Variants in CENPW observed in about 807,000 individuals in gnomAD.
The protein encoded by CENPW is cancer-up-regulated gene 2 protein.
CENPW carries 3 observed loss-of-function variants against 11.1 expected under a neutral mutation model. The observed-to-expected ratio is 0.27, with a 90% CI of 0.12 to 0.70. CENPW has a LOEUF of 0.70. Among genes scored for constraint, CENPW ranks in the 30% least tolerant of loss-of-function variants. The pLI, the probability that CENPW is intolerant of heterozygous loss-of-function variation, is 0.77. For synonymous variants in CENPW, 38 were observed against 42.0 expected (o/e 0.91, Z 0.37); for missense variants, 100 against 105.6 (o/e 0.95, Z 0.23).
At chr6:126,360,967 T>C in the CENPW span, among the ~76,000 whole-genome samples, 1 of 152,172 alleles carries the variant, frequency 6.6e-6, no homozygotes, top group African/African-American at 2.4e-5. Context: ...AGTGGGCTTA[T>C]TTGGAGGTTA....
rs1780274113 is a variant in CENPW at position 126,340,245 on chromosome 6, G to A, written c.-29G>A. 6.2e-7 allele frequency: 1 copy of A among 1,611,302 alleles called. No individual in the cohort carries two copies. Among genetic ancestry groups the A allele is most frequent in the African/African-American group, 1.3e-5 (1 of 74,806 alleles). ...GTGCGATACAGAGAGCACCTCGGAA[G>A]CTGAGGCAGCTGGTACTTGACAGAG... On this transcript the variant is annotated 5_prime_UTR_variant, in exon 1 of 3. Transcript: ENST00000368328.
intron 1 of CENPW, among the ~76,000 whole-genome samples, chr6:126,344,895 T>C (rs1780379882): frequency 1.3e-5 from 2 of 152,174 alleles, no homozygotes; most frequent in Non-Finnish European, 2.9e-5. Flanking sequence ...TTAAGTATTG[T>C]GTATAAATTG....
chr6:126,449,967 C>CAA, the CENPW span, among the ~76,000 whole-genome samples: 2 of 150,918 alleles, frequency 1.3e-5, no homozygotes, highest in Admixed American at 6.6e-5. Flanking sequence ...TTCCCAAGCA[C>CAA]ATTGTATTTG....
the CENPW span, among the ~76,000 whole-genome samples, chr6:126,427,834 C>G: frequency 1.3e-5 from 2 of 152,204 alleles, no homozygotes; most frequent in Non-Finnish European, 2.9e-5. Context: ...GCAGAACTGA[C>G]TGTACACGTG....
chr6:126,404,628 C>T, the CENPW span, among the ~76,000 whole-genome samples: 1 of 152,060 alleles, frequency 6.6e-6, no homozygotes, highest in Non-Finnish European at 1.5e-5. Flanking sequence ...TTTCCACCAA[C>T]AGTGTATGAG....
the CENPW span, among the ~76,000 whole-genome samples, chr6:126,467,825 A>G: frequency 6.6e-6 from 1 of 152,300 alleles, no homozygotes; most frequent in South Asian, 2.1e-4. Flanking sequence ...GAAGTCTGAC[A>G]AACATTAGCT....
chr6:126,483,014 G>A, the CENPW span, among the ~76,000 whole-genome samples: 1 of 151,856 alleles, frequency 6.6e-6, no homozygotes, highest in Non-Finnish European at 1.5e-5. Flanking sequence ...TCTCACCAAT[G>A]TTTTATGGTC....
At chr6:126,390,245 G>T in the CENPW span, among the ~76,000 whole-genome samples, 1 of 151,738 alleles carries the variant, frequency 6.6e-6, no homozygotes, top group Admixed American at 6.6e-5. Context: ...TTGCTAACTG[G>T]TCTCCCCATA....
the CENPW span, among the ~76,000 whole-genome samples, chr6:126,435,356 A>G: frequency 1.4e-4 from 22 of 151,840 alleles, no homozygotes; most frequent in African/African-American, 5.3e-4. Context: ...ATAAATCTGT[A>G]CATTTATGGT....
At chr6:126,479,733 C>A in the CENPW span, among the ~76,000 whole-genome samples, 6 of 151,886 alleles carry the variant, frequency 4.0e-5, no homozygotes, top group East Asian at 1.2e-3. Context: ...TAATATATAA[C>A]CTTCCACTTG....
chr6:126,381,529 G>T, the CENPW span, among the ~76,000 whole-genome samples: 5 of 152,040 alleles, frequency 3.3e-5, no homozygotes, highest in Non-Finnish European at 7.4e-5. Flanking sequence ...CAAGCCCCAG[G>T]GAAATGCTTT....
chr6:126,415,502 A>G, the CENPW span, among the ~76,000 whole-genome samples: 14 of 152,196 alleles, frequency 9.2e-5, no homozygotes, highest in Non-Finnish European at 1.8e-4. Context: ...AAGTTAAATC[A>G]CAGGTCCACA....
the CENPW span, among the ~76,000 whole-genome samples, chr6:126,362,788 G>T: frequency 6.6e-6 from 1 of 151,750 alleles, no homozygotes; most frequent in Non-Finnish European, 1.5e-5. Context: ...ATGATTTCCT[G>T]TAATTTCTTT....
chr6:126,343,958 G>A (rs1247365177), intron 1 of CENPW, among the ~76,000 whole-genome samples: 1 of 152,170 alleles, frequency 6.6e-6, no homozygotes, highest in African/African-American at 2.4e-5. Flanking sequence ...GCCACGAAGA[G>A]GAAAGGGTAT....
intron 1 of CENPW, among the ~76,000 whole-genome samples, chr6:126,345,544 A>G (rs951875783): frequency 1.3e-5 from 2 of 152,100 alleles, no homozygotes; most frequent in African/African-American, 2.4e-5. Context: ...GATATCTTAC[A>G]TAACTATATT....
the CENPW span, among the ~76,000 whole-genome samples, chr6:126,429,852 T>C: frequency 6.6e-6 from 1 of 152,210 alleles, no homozygotes; most frequent in Admixed American, 6.5e-5. Context: ...CAAAAAGTCC[T>C]GAAATGCCCC....
chr6:126,417,931 C>T, the CENPW span, among the ~76,000 whole-genome samples: 1 of 152,044 alleles, frequency 6.6e-6, no homozygotes, highest in Non-Finnish European at 1.5e-5. Flanking sequence ...ATAAGTAACT[C>T]AAATAATAAA....
the CENPW span, among the ~76,000 whole-genome samples, chr6:126,448,862 G>A: frequency 2.6e-5 from 4 of 150,976 alleles, no homozygotes; most frequent in East Asian, 3.9e-4. Context: ...CCCAAAAGTC[G>A]GTTAAGAACC....
chr6:126,403,132 C>G, the CENPW span, among the ~76,000 whole-genome samples: 1 of 152,052 alleles, frequency 6.6e-6, no homozygotes, highest in Non-Finnish European at 1.5e-5. Flanking sequence ...GTTTTGACTG[C>G]TACATCAATC....
Sources: gnomAD v4.1 joint callset for allele counts (sites outside exome capture counted in the v4.1 genomes callset) on GRCh38, gnomAD v4.1.1 for gene constraint, MANE v1.5 for transcripts, NCBI Gene and HGNC (gene_info 2026-07-23, HGNC 2026-07-21) for gene names.